Variants in CSMD2 observed in about 807,000 individuals in gnomAD.
The protein encoded by CSMD2 is CUB and sushi domain-containing protein 2.
CSMD2 carries 130 observed loss-of-function variants against 398.5 expected under a neutral mutation model. That is an observed-to-expected ratio of 0.33 (90% CI 0.28 to 0.38). CSMD2 has a LOEUF of 0.38. Ranked by LOEUF, CSMD2 falls within the 10% of genes least tolerant of loss-of-function variation. CSMD2 has a pLI of 1.00. For synonymous variants in CSMD2, 1,828 were observed against 1,908.5 expected, an observed-to-expected ratio of 0.96 and a Z score of 1.10; for missense variants, 3,829 against 4,764.9, an observed-to-expected ratio of 0.80 and a Z score of 5.78.
chr1:33,850,104 C>T (rs1638594237), intron 5 of CSMD2, among the ~76,000 whole-genome samples: 1 of 152,094 alleles, frequency 6.6e-6, no homozygotes, highest in Non-Finnish European at 1.5e-5. Flanking sequence ...GCTACACTGG[C>T]ACTTCTCCCA....
intron 13 of CSMD2, among the ~76,000 whole-genome samples, chr1:33,746,665 A>C (rs1274835942): frequency 6.6e-6 from 1 of 152,200 alleles, no homozygotes; most frequent in Non-Finnish European, 1.5e-5. Flanking sequence ...CAACACATAC[A>C]CAGATCTTCC....
chr1:33,850,326 C>T (rs1238338787), intron 5 of CSMD2, among the ~76,000 whole-genome samples: 3 of 152,144 alleles, frequency 2.0e-5, no homozygotes, highest in Admixed American at 6.6e-5. Context: ...GCCCTTGATG[C>T]TCTTTATGCC....
intron 3 of CSMD2, among the ~76,000 whole-genome samples, chr1:33,980,606 C>T (rs745756129): frequency 5.3e-5 from 8 of 152,168 alleles, no homozygotes; most frequent in Non-Finnish European, 1.2e-4. Flanking sequence ...GTCCACTCAA[C>T]CATTGCTCCA....
At chr1:33,556,718 G>A (rs1658012766) in intron 55 of CSMD2, among the ~76,000 whole-genome samples, 2 of 152,196 alleles carry the variant, frequency 1.3e-5, no homozygotes, top group Non-Finnish European at 2.9e-5. Flanking sequence ...TTGTGGGAGA[G>A]ACCCGGTGGG....
intron 37 of CSMD2, among the ~76,000 whole-genome samples, 183 bp from the exon 38 acceptor site, chr1:33,617,800 T>C (rs1641491068): frequency 6.6e-6 from 1 of 152,078 alleles, no homozygotes; most frequent in South Asian, 2.1e-4. Context: ...AAAAAGAGTA[T>C]ATTTACATGG....
chr1:33,874,444 A>G (rs991393765), intron 5 of CSMD2, among the ~76,000 whole-genome samples: 7 of 152,214 alleles, frequency 4.6e-5, no homozygotes, highest in Non-Finnish European at 7.3e-5. Context: ...CATGAGAAGC[A>G]TGTTTTTTCT....
Position 33,533,862 on chromosome 1 carries a change from G to C in CSMD2, c.9925C>G (p.Gln3309Glu). ...AGGCAGGTCCTGGTGGTGGAGCCCT[G>C]AAGCAGGTAGCCTTTTTGACAACGG... ...LFRCQKGYLL[Q>E]GSTTRTCLPN... The change falls in exon 63 of 71, where the codon CAG becomes GAG. Residue 3309 changes from glutamine to glutamate, a missense_variant. This residue lies in a region of CSMD2 where 917 missense variants were observed against 1,199.5 expected (regional missense o/e 0.76). Transcript: ENST00000373381. The surrounding 1 kb of genome is among the most constrained non-coding windows in gnomAD (Gnocchi z 4.2). 6.2e-7 allele frequency: 1 copy of C among 1,614,138 alleles called. No homozygotes were observed. The highest frequency in any genetic ancestry group is 8.5e-7 in the Non-Finnish European group (1 of 1,179,990).
At chr1:33,564,037 A>T (rs913585180) in intron 53 of CSMD2, among the ~76,000 whole-genome samples, 3 of 151,544 alleles carry the variant, frequency 2.0e-5, no homozygotes, top group South Asian at 2.1e-4. Context: ...TGGATTCTGT[A>T]ATGTGATGGT....
intron 54 of CSMD2, 91 bp from the exon 55 acceptor site, chr1:33,558,013 G>A: frequency 1.7e-6 from 2 of 1,197,106 alleles, no homozygotes; most frequent in Non-Finnish European, 1.2e-6. Context: ...ACCCTGTCGG[G>A]AGGGTGAGCT....
rs146689471 is a variant in CSMD2, at chr1:34,149,880, T to C, written c.187+15031A>G. 4.9e-3 allele frequency among the ~76,000 whole-genome samples: 744 copies of C among 152,236 alleles called. 6 individuals are homozygous for C. Among genetic ancestry groups the C allele is most frequent in the Middle Eastern group, 0.01 (3 of 294 alleles). On this transcript the variant is annotated intron_variant, in intron 1 of 70. Transcript: ENST00000373381. ...AAAGGTAGCCCAGGTGTGGGCTGAC[T>C]TGTGGAGGCAGAGCCTTTGCTCAAA...
At chr1:33,709,535 C>T (rs1645914746) in intron 21 of CSMD2, 4 of 483,758 alleles carry the variant, frequency 8.3e-6, no homozygotes, top group South Asian at 4.9e-5. Flanking sequence ...ACCCACCAGG[C>T]ATCCTTTACA....
At chr1:34,047,614 A>C (rs1329842871) in intron 2 of CSMD2, among the ~76,000 whole-genome samples, 1 of 152,178 alleles carries the variant, frequency 6.6e-6, no homozygotes, top group African/African-American at 2.4e-5. Flanking sequence ...TATTGAGAAC[A>C]GCACCAGATA....
At chr1:33,852,146 C>T (rs1005866004) in intron 5 of CSMD2, among the ~76,000 whole-genome samples, 3 of 152,168 alleles carry the variant, frequency 2.0e-5, no homozygotes, top group Non-Finnish European at 4.4e-5. Flanking sequence ...AGGCAGCATC[C>T]TCAACTCCCC....
rs536313454 is a variant in CSMD2, at chr1:33,705,937, A to T, written c.3576+3152T>A. Among the ~76,000 whole-genome samples the T allele has an allele frequency of 1.1e-4, 17 of 151,098 alleles. 1 individual carries two copies. The highest frequency in any genetic ancestry group is 1.1e-3 in the Admixed American group (16 of 15,194). Reference sequence around the variant, plus strand: ...TAGTATTGTCTACTTTATTATTTAAAAAAAAAAAAAACAGTTGGTTTGGTT... The same window carrying T: ...TAGTATTGTCTACTTTATTATTTAATAAAAAAAAAAACAGTTGGTTTGGTT... On this transcript the variant is annotated intron_variant, in intron 22 of 70. Transcript: ENST00000373381.
intron 2 of CSMD2, among the ~76,000 whole-genome samples, chr1:34,047,947 C>A (rs12038191): frequency 6.6e-6 from 1 of 152,158 alleles, no homozygotes; most frequent in Non-Finnish European, 1.5e-5. Flanking sequence ...CCAGTCTCCC[C>A]AAGAGAGGGG....
At chr1:33,680,218 T>C (rs2149062231) in intron 25 of CSMD2, among the ~76,000 whole-genome samples, 1 of 151,454 alleles carries the variant, frequency 6.6e-6, no homozygotes, top group African/African-American at 2.4e-5. Flanking sequence ...TTCCATGTGT[T>C]CTCATGCTAT....
intron 10 of CSMD2, 67 bp from the exon 11 acceptor site, chr1:33,792,593 G>A (rs1404246930): frequency 4.8e-6 from 5 of 1,044,804 alleles, no homozygotes; most frequent in African/African-American, 1.6e-5. Flanking sequence ...GCCTTGAGGG[G>A]AGGAAGGATT....
rs9919131 is a variant in CSMD2 at position 34,136,389 on chromosome 1, T to G, written c.187+28522A>C. Among the ~76,000 whole-genome samples, 268 of 152,342 alleles carry G rather than the reference T, an allele frequency of 1.8e-3. 1 individual carries two copies. Among genetic ancestry groups the G allele is most frequent in the African/African-American group, 6.1e-3 (252 of 41,572 alleles). On this transcript the variant is annotated intron_variant, in intron 1 of 70. Coordinates refer to ENST00000373381, the MANE Select transcript of CSMD2 (RefSeq NM_001281956.2). ...GTTCCAAAAAAAGTGTGAACAAGTG[T>G]TATCTATTAAATATTACATGTGAGT... is the stretch of plus-strand genomic sequence containing the variant.
At chr1:34,165,640 A>T (rs1641822937), upstream of CSMD2, 1 of 995,788 alleles carries the variant, frequency 1.0e-6, no homozygotes. Flanking sequence ...ACACGCACTC[A>T]CACACACAGG....
Sources: gnomAD v4.1 joint callset for allele counts (sites outside exome capture counted in the v4.1 genomes callset) on GRCh38, gnomAD v4.1.1 for gene constraint, gnomAD v4.1.1 regional missense constraint, Gnocchi (gnomAD v3.1) non-coding constraint, MANE v1.5 for transcripts, NCBI Gene and HGNC (gene_info 2026-07-23, HGNC 2026-07-21) for gene names.